Variants in SLC4A10 observed in about 807,000 individuals in gnomAD.
The protein encoded by SLC4A10 is sodium-driven chloride bicarbonate exchanger.
In SLC4A10, 42 loss-of-function variants were observed where a neutral mutation model predicts 137.7. That is an observed-to-expected ratio of 0.30 (90% CI 0.24 to 0.39). The LOEUF (loss-of-function observed/expected upper bound fraction) is 0.39. SLC4A10 is among the 10% of genes least tolerant of loss of function. The pLI is 1.00. For synonymous variants in SLC4A10, 474 were observed against 464.1 expected, an observed-to-expected ratio of 1.02 and a Z score of -0.27; for missense variants, 925 against 1,355.0, an observed-to-expected ratio of 0.68 and a Z score of 4.98.
At chr2:161,653,095 C>T (rs1227821582) in intron 1 of SLC4A10, among the ~76,000 whole-genome samples, 5 of 152,064 alleles carry the variant, frequency 3.3e-5, no homozygotes, top group African/African-American at 9.7e-5. Context: ...AATGAGAACA[C>T]GTGGTGTTTG....
At chr2:161,784,518 A>G (rs1463078251) in intron 2 of SLC4A10, among the ~76,000 whole-genome samples, 3 of 151,924 alleles carry the variant, frequency 2.0e-5, no homozygotes, top group Admixed American at 2.0e-4. Flanking sequence ...TGTTTTAAAA[A>G]TTTAAAGTGA....
chr2:161,760,950 G>A (rs892512725), intron 1 of SLC4A10, among the ~76,000 whole-genome samples: 7 of 151,480 alleles, frequency 4.6e-5, no homozygotes, highest in Admixed American at 6.6e-5. Flanking sequence ...ATGCACACAC[G>A]CAGCCACATT....
At chr2:161,949,056 A>G in intron 17 of SLC4A10, 92 bp from the exon 18 acceptor site, 1 of 742,808 alleles carries the variant, frequency 1.3e-6, no homozygotes. Flanking sequence ...TATGTCATAA[A>G]GTGTTTATAA....
intron 3 of SLC4A10, among the ~76,000 whole-genome samples, chr2:161,836,141 C>A (rs1440055008): frequency 1.3e-5 from 2 of 151,518 alleles, no homozygotes; most frequent in Admixed American, 6.6e-5. Context: ...TCAGTTGATT[C>A]TGCTGTCACT....
chr2:161,655,820 T>C (rs932956496), intron 1 of SLC4A10, among the ~76,000 whole-genome samples: 5 of 150,562 alleles, frequency 3.3e-5, no homozygotes, highest in East Asian at 1.9e-4. Context: ...AATTCTTCTT[T>C]TTTTTTTTTT....
chr2:161,950,858 A>G lies in SLC4A10; in HGVS notation c.2541+10A>G, dbSNP rs767973818. 1.9e-6 allele frequency: 3 copies of G among 1,575,572 alleles called. No individual in the cohort carries two copies. Among genetic ancestry groups the G allele is most frequent in the South Asian group, 2.3e-5 (2 of 85,336 alleles). ...AGAGCATAAGCTAAAGGTATATTTT[A>G]ACATCCATTTTAATGTAAATAATTA... On this transcript the variant is annotated intron_variant, in intron 19 of 26. Coordinates refer to ENST00000446997, the MANE Select transcript of SLC4A10 (RefSeq NM_001178015.2).
intron 2 of SLC4A10, 125 bp downstream of exon 2, chr2:161,771,179 G>A (rs2051551131): frequency 3.0e-6 from 2 of 674,882 alleles, no homozygotes; most frequent in Admixed American, 2.4e-5. Context: ...GCTTACTGGG[G>A]AGGGGTACAT....
intron 1 of SLC4A10, among the ~76,000 whole-genome samples, chr2:161,740,021 T>A (rs2047723862): frequency 6.6e-6 from 1 of 152,194 alleles, no homozygotes; most frequent in Admixed American, 6.5e-5. Flanking sequence ...ACCAGGCCAT[T>A]GGCTACTGCC....
intron 1 of SLC4A10, among the ~76,000 whole-genome samples, chr2:161,626,029 A>G (rs1319127727): frequency 1.3e-5 from 2 of 152,172 alleles, no homozygotes; most frequent in Non-Finnish European, 2.9e-5. Flanking sequence ...GAACAAATAC[A>G]TAAATTAGGA....
At chr2:161,694,557 GA>G (rs1237242758) in intron 1 of SLC4A10, among the ~76,000 whole-genome samples, 3 of 151,000 alleles carry the variant, frequency 2.0e-5, no homozygotes, top group Non-Finnish European at 4.4e-5. Context: ...GAAGTAACAG[GA>G]AAAAAAACAC....
chr2:161,804,928 G>T (rs1202246515), intron 3 of SLC4A10, among the ~76,000 whole-genome samples: 1 of 152,108 alleles, frequency 6.6e-6, no homozygotes, highest in Non-Finnish European at 1.5e-5. Context: ...GTTCCCATTT[G>T]CACTTTTACT....
intron 1 of SLC4A10, among the ~76,000 whole-genome samples, chr2:161,690,084 G>A (rs2041829930): frequency 6.6e-6 from 1 of 152,090 alleles, no homozygotes; most frequent in African/African-American, 2.4e-5. Flanking sequence ...AATCTAGAAG[G>A]AACTTAAACA....
intron 15 of SLC4A10, among the ~76,000 whole-genome samples, chr2:161,918,245 T>A (rs901499855): frequency 6.6e-6 from 1 of 152,144 alleles, no homozygotes; most frequent in Non-Finnish European, 1.5e-5. Context: ...AACCTCCACC[T>A]CCTGGGCTCA....
intron 1 of SLC4A10, among the ~76,000 whole-genome samples, chr2:161,716,795 T>C (rs555346158): frequency 6.6e-6 from 1 of 152,286 alleles, no homozygotes; most frequent in African/African-American, 2.4e-5. Flanking sequence ...TACCAGCTCT[T>C]TTCTGGTTCC....
chr2:161,806,544 C>G (rs944573298), intron 3 of SLC4A10, among the ~76,000 whole-genome samples: 3 of 152,114 alleles, frequency 2.0e-5, no homozygotes, highest in African/African-American at 7.2e-5. Context: ...GCCAGATACC[C>G]TAAATCATCT....
intron 1 of SLC4A10, among the ~76,000 whole-genome samples, chr2:161,685,263 A>G (rs775853207): frequency 1.3e-5 from 2 of 152,158 alleles, no homozygotes; most frequent in East Asian, 1.9e-4. Context: ...TACATATGTC[A>G]TCTCATATCC....
intron 15 of SLC4A10, among the ~76,000 whole-genome samples, chr2:161,933,195 C>G (rs1263717215): frequency 1.3e-5 from 1 of 77,550 alleles, no homozygotes; most frequent in African/African-American, 4.9e-5. Context: ...TTCTTTCTTT[C>G]TTTCTTTCTT....
At chr2:161,647,878 C>G (rs866843650) in intron 1 of SLC4A10, among the ~76,000 whole-genome samples, 1 of 152,148 alleles carries the variant, frequency 6.6e-6, no homozygotes. Context: ...TCTCAATGAC[C>G]ACTTTTTCAC....
At chr2:161,721,693 C>T (rs558070891) in intron 1 of SLC4A10, among the ~76,000 whole-genome samples, 19 of 152,194 alleles carry the variant, frequency 1.2e-4, no homozygotes, top group Non-Finnish European at 2.5e-4. Context: ...GATTATCTTA[C>T]GGGGGTTCTC....
Sources: gnomAD v4.1 joint callset for allele counts (sites outside exome capture counted in the v4.1 genomes callset) on GRCh38, gnomAD v4.1.1 for gene constraint, MANE v1.5 for transcripts, NCBI Gene and HGNC (gene_info 2026-07-23, HGNC 2026-07-21) for gene names.